TTC27: variants seen among roughly 807,000 people sequenced by gnomAD.
TTC27 encodes tetratricopeptide repeat protein 27.
TTC27 carries 79 observed loss-of-function variants against 115.9 expected under a neutral mutation model. The observed-to-expected ratio is 0.68, with a 90% CI of 0.57 to 0.82. The LOEUF is 0.82. TTC27 is among the 40% of genes least tolerant of loss of function. The pLI is 0.00. For synonymous variants in TTC27, 401 were observed against 356.0 expected (o/e 1.13, Z -1.42); for missense variants, 1,054 against 993.1 (o/e 1.06, Z -0.82).
At chr2:32,779,634 C>G (rs1176561459) in intron 14 of TTC27, among the ~76,000 whole-genome samples, 1 of 151,662 alleles carries the variant, frequency 6.6e-6, no homozygotes, top group Non-Finnish European at 1.5e-5. Flanking sequence ...CTTTAAAGCA[C>G]AAAAGCCTAA....
chr2:32,729,709 T>G (rs759605229), intron 10 of TTC27, among the ~76,000 whole-genome samples: 2 of 151,560 alleles, frequency 1.3e-5, no homozygotes, highest in Non-Finnish European at 1.5e-5. Flanking sequence ...CTCTCTCTGC[T>G]TGTTACCTTT....
intron 10 of TTC27, among the ~76,000 whole-genome samples, chr2:32,704,083 T>C (rs1249397037): frequency 6.6e-6 from 1 of 152,240 alleles, no homozygotes; most frequent in African/African-American, 2.4e-5. Context: ...ACTTAATAAT[T>C]TCCTAAACAT....
At chr2:32,633,640 A>C (rs1050669160) in intron 2 of TTC27, among the ~76,000 whole-genome samples, 1 of 152,126 alleles carries the variant, frequency 6.6e-6, no homozygotes. Flanking sequence ...CTGGGTTCAA[A>C]TGATCCTCCT....
chr2:32,795,837 C>A (rs1370067503), intron 16 of TTC27, among the ~76,000 whole-genome samples: 2 of 151,712 alleles, frequency 1.3e-5, no homozygotes, highest in Admixed American at 6.6e-5. Context: ...CCTTGACCTT[C>A]CAAACTGCTG....
chr2:32,794,476 A>G (rs1289913235), intron 16 of TTC27, among the ~76,000 whole-genome samples: 2 of 152,204 alleles, frequency 1.3e-5, no homozygotes, highest in African/African-American at 4.8e-5. Context: ...TTATAACTCT[A>G]AATGCTTACT....
intron 13 of TTC27, 103 bp downstream of exon 13, chr2:32,758,622 T>G: frequency 1.8e-6 from 2 of 1,128,352 alleles, no homozygotes; most frequent in Non-Finnish European, 2.5e-6. Context: ...AACTGGTGAG[T>G]TTGTTTTTGA....
chr2:32,708,301 C>CTTTTTTTTTTT (rs1159740039), intron 10 of TTC27, among the ~76,000 whole-genome samples: 4 of 80,294 alleles, frequency 5.0e-5, no homozygotes, highest in Non-Finnish European at 7.5e-5. Flanking sequence ...TTTTCTCTAC[C>CTTTTTTTTTTT]TTGTTTTTTT....
chr2:32,674,212 G>A (rs552434121), intron 8 of TTC27, among the ~76,000 whole-genome samples: 208 of 150,506 alleles, frequency 1.4e-3, no homozygotes, highest in African/African-American at 4.6e-3. Context: ...GTGCAGTGGC[G>A]CGATCTCGGC....
In TTC27 at chr2:32,732,889, C is replaced by A. The variant is rs116049726; in HGVS notation, c.1234-939C>A. The stretch of plus-strand genomic sequence containing the variant: ...GCAAAAAAAGAAAATTTGAGTACTG[C>A]ATTGTAGAAAAAAGATCATGATAAT... On this transcript the variant is annotated intron_variant, in intron 10 of 19. Coordinates refer to ENST00000317907, the MANE Select transcript of TTC27 (RefSeq NM_017735.5). 2.6e-3 allele frequency among the ~76,000 whole-genome samples: 394 copies of A among 152,224 alleles called. 1 individual carries two copies. The highest frequency in any genetic ancestry group is 9.0e-3 in the African/African-American group (373 of 41,536).
intron 13 of TTC27, among the ~76,000 whole-genome samples, chr2:32,769,068 G>T (rs993182912): frequency 6.6e-6 from 1 of 152,172 alleles, no homozygotes. Context: ...CTTTTCTGTG[G>T]AAGTTACTTG....
At chr2:32,787,658 T>A (rs1202366646) in intron 16 of TTC27, among the ~76,000 whole-genome samples, 1 of 152,168 alleles carries the variant, frequency 6.6e-6, no homozygotes, top group Non-Finnish European at 1.5e-5. Context: ...TATGGGAGAT[T>A]CAAAGCTGTT....
chr2:32,739,987 T>C (rs1034724824), intron 12 of TTC27, among the ~76,000 whole-genome samples: 1 of 152,238 alleles, frequency 6.6e-6, no homozygotes, highest in African/African-American at 2.4e-5. Context: ...CCCGGTGTTG[T>C]AGGGTCTCAG....
At chr2:32,658,506 A>G (rs1055572479) in intron 5 of TTC27, among the ~76,000 whole-genome samples, 1 of 152,230 alleles carries the variant, frequency 6.6e-6, no homozygotes, top group Non-Finnish European at 1.5e-5. Context: ...TAAAATACCC[A>G]TTCCTAGGCA....
At chr2:32,712,097 A>C (rs1183048796) in intron 10 of TTC27, among the ~76,000 whole-genome samples, 1 of 152,194 alleles carries the variant, frequency 6.6e-6, no homozygotes. Flanking sequence ...TCTGGACTAC[A>C]CAGACTTACA....
intron 3 of TTC27, among the ~76,000 whole-genome samples, chr2:32,637,927 G>A (rs921560810): frequency 1.3e-5 from 2 of 152,084 alleles, no homozygotes; most frequent in Admixed American, 6.6e-5. Flanking sequence ...AGTTACACAC[G>A]CCACCATGGT....
rs768795399 is a variant in TTC27, at chr2:32,630,653, G to C, written c.219G>C (p.Gln73His). The change falls in exon 2 of 20, where the codon CAG becomes CAC. Residue 73 changes from glutamine (Q) to histidine (H), a missense_variant. Gln to His is a conservative substitution (Grantham distance 24). Transcript: ENST00000317907. Reference sequence around the variant, plus strand: ...AGATTGATAGCTACCTGGAGAAGCAGGTAGTAACATTCCTGGATTACTCAA... The same window carrying C: ...AGATTGATAGCTACCTGGAGAAGCACGTAGTAACATTCCTGGATTACTCAA... The part of the protein sequence containing the change: ...EEKIDSYLEK[Q>H]VVTFLDYSTD... 5.0e-6 allele frequency: 8 copies of C among 1,613,472 alleles called. No individual in the cohort carries two copies. The highest frequency in any genetic ancestry group is 4.4e-5 in the South Asian group (4 of 90,950).
intron 16 of TTC27, among the ~76,000 whole-genome samples, chr2:32,798,076 ACTAGGATGG>A (rs1318151736): frequency 4.0e-5 from 6 of 150,636 alleles, no homozygotes; most frequent in Non-Finnish European, 7.4e-5. Context: ...CCTTACACCC[ACTAGGATGG>A]CTACTAGAAA....
intron 10 of TTC27, among the ~76,000 whole-genome samples, chr2:32,725,612 A>G (rs368482033): frequency 1.3e-5 from 2 of 152,096 alleles, no homozygotes; most frequent in Non-Finnish European, 2.9e-5. Flanking sequence ...GTCTGCTTTC[A>G]TGGGCTGGCA....
At chr2:32,701,157 GGC>G (rs1204918036) in intron 9 of TTC27, among the ~76,000 whole-genome samples, 1 of 152,082 alleles carries the variant, frequency 6.6e-6, no homozygotes, top group African/African-American at 2.4e-5. Context: ...CTGTCCTTAG[GGC>G]CCAGTATACA....
Sources: allele counts gnomAD v4.1 joint callset (sites outside exome capture counted in the v4.1 genomes callset), GRCh38; gene constraint gnomAD v4.1.1; transcripts MANE v1.5; gene names NCBI Gene and HGNC (gene_info 2026-07-23, HGNC 2026-07-21).